The following SLC16A1 variants were observed in gnomAD, a reference collection of about 807,000 sequenced individuals.
SLC16A1 encodes solute carrier family 16 member 1.
SLC16A1 carries 11 observed loss-of-function variants against 32.2 expected under a neutral mutation model. The ratio of observed to expected loss-of-function variants is 0.34; its 90% CI spans 0.21 to 0.56. The LOEUF (loss-of-function observed/expected upper bound fraction) is 0.56. Among genes scored for constraint, SLC16A1 ranks in the 20% least tolerant of loss-of-function variants. The pLI is 0.87. For synonymous variants in SLC16A1, 231 were observed against 226.8 expected (o/e 1.02, Z -0.17); for missense variants, 435 against 615.0 (o/e 0.71, Z 3.10).
chr1:112,918,334 T>C (rs1429463261), intron 3 of SLC16A1, among the ~76,000 whole-genome samples: 2 of 152,204 alleles, frequency 1.3e-5, no homozygotes, highest in African/African-American at 4.8e-5. Flanking sequence ...AAGCACTTAG[T>C]ACCCAGTGCC....
At chr1:112,942,046 A>C (rs1338007911) in intron 1 of SLC16A1, among the ~76,000 whole-genome samples, 1 of 151,894 alleles carries the variant, frequency 6.6e-6, no homozygotes, top group Non-Finnish European at 1.5e-5. Flanking sequence ...ATCTTGGCTC[A>C]CTGCAACCTC....
At chr1:112,923,792 G>A in intron 2 of SLC16A1, 1 of 1,493,196 alleles carries the variant, frequency 6.7e-7, no homozygotes, top group Non-Finnish European at 9.3e-7. Context: ...ATGCCACCTG[G>A]GAAGTGGCCA....
At chr1:112,916,295 T>A (rs939596125) in intron 4 of SLC16A1, among the ~76,000 whole-genome samples, 1 of 147,352 alleles carries the variant, frequency 6.8e-6, no homozygotes, top group Non-Finnish European at 1.5e-5. Context: ...AGGTTAGGAG[T>A]TCAAGACGAG....
intron 1 of SLC16A1, among the ~76,000 whole-genome samples, chr1:112,932,976 ACAATC>A (rs1369193637): frequency 6.6e-6 from 1 of 152,182 alleles, no homozygotes; most frequent in Non-Finnish European, 1.5e-5. Flanking sequence ...TTAACAATGA[ACAATC>A]CAAATATGAA....
intron 2 of SLC16A1, among the ~76,000 whole-genome samples, chr1:112,927,300 A>G (rs1191276961): frequency 6.6e-6 from 1 of 152,110 alleles, no homozygotes; most frequent in Non-Finnish European, 1.5e-5. Context: ...TTAAAAAAAA[A>G]AGGAAAAACA....
rs762874265 is a variant in SLC16A1 at position 112,913,538 on chromosome 1, G to A, written c.*353C>T. 20 of 219,810 alleles carry A rather than the reference G, an allele frequency of 9.1e-5. No individual in the cohort carries two copies. Among genetic ancestry groups the A allele is most frequent in the Non-Finnish European group, 1.7e-4 (19 of 109,432 alleles). The allele number at this position is 219,810 out of a possible 1,614,324, so 13.6% of individuals were successfully genotyped here. On this transcript the variant is annotated 3_prime_UTR_variant, in exon 5 of 5. Transcript: ENST00000369626. ...TATTTTTCCTTTTAACACAACACTCGAAATAGATGAATTCAGCAAAAATGG... is the reference window on the plus strand; with the variant it reads ...TATTTTTCCTTTTAACACAACACTCAAAATAGATGAATTCAGCAAAAATGG...
chr1:112,932,951 T>C (rs1570634281), intron 1 of SLC16A1, among the ~76,000 whole-genome samples: 1 of 152,118 alleles, frequency 6.6e-6, no homozygotes, highest in African/African-American at 2.4e-5. Context: ...CAGAAATCAA[T>C]TGTATTTCTA....
intron 1 of SLC16A1, among the ~76,000 whole-genome samples, chr1:112,945,870 T>C (rs1649686425): frequency 6.6e-6 from 1 of 151,786 alleles, no homozygotes; most frequent in South Asian, 2.1e-4. Flanking sequence ...CGCACGCCTG[T>C]AATCTCAGCT....
At position 112,913,990 on chromosome 1, in the gene SLC16A1, T is replaced by C. The variant is rs1570616486; in HGVS notation, c.1404A>G (p.Ile468Met). The C allele has an allele frequency of 1.2e-6, 2 of 1,614,090 alleles. No homozygotes were observed. The highest frequency in any genetic ancestry group is 8.5e-7 in the Non-Finnish European group (1 of 1,180,040). ...KKESKEEETS[I>M]DVAGKPNEVT... ...CTTCATTTGGCTTCCCAGCAACATC[T>C]ATACTGGTCTCTTCCTCTTTACTTT... The change falls in exon 5 of 5, where the codon ATA (isoleucine) becomes ATG (methionine). Residue 468 changes from isoleucine (I) to methionine (M), a missense_variant. Physicochemically the swap from Ile to Met is conservative, Grantham distance 10 (BLOSUM62 1). This residue lies in a region of SLC16A1 where 111 missense variants were observed against 114.7 expected (regional missense o/e 0.97). Coordinates refer to ENST00000369626, the MANE Select transcript of SLC16A1 (RefSeq NM_003051.4).
rs187454406 is a variant in SLC16A1, at chr1:112,950,787, A to G, written c.-45+5248T>C. On this transcript the variant is annotated intron_variant, in intron 1 of 4. Transcript: ENST00000369626. ...CAAGGCAGGAGGATGGCTTGGGGCC[A>G]GGAGTTTGAGGCCAGCCTGGGTAAC... Among the ~76,000 whole-genome samples the G allele has an allele frequency of 5.2e-3, 785 of 152,322 alleles. 2 individuals carry two copies. Among genetic ancestry groups the G allele is most frequent in the Non-Finnish European group, 8.3e-3 (564 of 68,032 alleles).
chr1:112,920,544 T>C (rs577455267), intron 3 of SLC16A1, among the ~76,000 whole-genome samples: 1 of 152,098 alleles, frequency 6.6e-6, no homozygotes, highest in Admixed American at 6.5e-5. Flanking sequence ...AGGCGGAGAT[T>C]GCAGTGAGCC....
At chr1:112,926,834 G>A (rs184589964) in intron 2 of SLC16A1, among the ~76,000 whole-genome samples, 15 of 151,698 alleles carry the variant, frequency 9.9e-5, no homozygotes, top group African/African-American at 2.2e-4. Context: ...AGTGGTGATT[G>A]TGCCACTGCA....
At chr1:112,945,775 C>G (rs1254898681) in intron 1 of SLC16A1, among the ~76,000 whole-genome samples, 1 of 151,972 alleles carries the variant, frequency 6.6e-6, no homozygotes, top group Non-Finnish European at 1.5e-5. Context: ...GACAGATCAC[C>G]TGAGGTTGGG....
At chr1:112,926,061 ATG>A (rs1648930024) in intron 2 of SLC16A1, among the ~76,000 whole-genome samples, 1 of 152,340 alleles carries the variant, frequency 6.6e-6, no homozygotes, top group South Asian at 2.1e-4. Flanking sequence ...TAACTAATAT[ATG>A]TGAGGTGTTT....
intron 3 of SLC16A1, 64 bp downstream of exon 3, chr1:112,921,926 T>C: frequency 1.3e-6 from 2 of 1,552,828 alleles, no homozygotes; most frequent in South Asian, 1.1e-5. Context: ...GAAAGATGAA[T>C]GCAGGTAAAT....
intron 1 of SLC16A1, among the ~76,000 whole-genome samples, chr1:112,939,001 C>A (rs1165039642): frequency 6.6e-6 from 1 of 151,912 alleles, no homozygotes; most frequent in Non-Finnish European, 1.5e-5. Flanking sequence ...AACGATTCTC[C>A]TGCCTCAGCC....
At chr1:112,948,419 A>G (rs996299949) in intron 1 of SLC16A1, among the ~76,000 whole-genome samples, 1 of 152,218 alleles carries the variant, frequency 6.6e-6, no homozygotes, top group African/African-American at 2.4e-5. Context: ...TATAAATCTT[A>G]GACTATGCTG....
intron 1 of SLC16A1, among the ~76,000 whole-genome samples, chr1:112,949,301 G>A (rs746437485): frequency 1.3e-5 from 2 of 151,938 alleles, no homozygotes; most frequent in Non-Finnish European, 2.9e-5. Context: ...CACTCACCTC[G>A]GCCTCCCAAA....
chr1:112,940,163 G>A (rs1356004430), intron 1 of SLC16A1, among the ~76,000 whole-genome samples: 1 of 150,604 alleles, frequency 6.6e-6, no homozygotes, highest in Non-Finnish European at 1.5e-5. Flanking sequence ...TTAGTCTCAC[G>A]AGTAGCTGAG....
Sources: gnomAD v4.1 joint callset for allele counts (sites outside exome capture counted in the v4.1 genomes callset) on GRCh38, gnomAD v4.1.1 for gene constraint, gnomAD v4.1.1 regional missense constraint, MANE v1.5 for transcripts, NCBI Gene and HGNC (gene_info 2026-07-23, HGNC 2026-07-21) for gene names.